Variants in GHR observed in about 807,000 individuals in gnomAD.
The protein encoded by GHR is growth hormone receptor, also known as GH receptor.
A neutral mutation model predicts 67.1 loss-of-function variants in GHR; 35 were observed. The ratio of observed to expected loss-of-function variants is 0.52; its 90% CI spans 0.40 to 0.69. The LOEUF (loss-of-function observed/expected upper bound fraction) is 0.69. GHR is among the 30% of genes least tolerant of loss of function. The probability of loss-of-function intolerance (pLI) is 0.00; values close to 1 mark genes in which losing one functional copy is unlikely to be tolerated. For missense variants in GHR, 792 were observed against 764.6 expected, an observed-to-expected ratio of 1.04 and a Z score of -0.42; for synonymous variants, 272 against 269.1, an observed-to-expected ratio of 1.01 and a Z score of -0.10.
intron 2 of GHR, among the ~76,000 whole-genome samples, chr5:42,608,328 A>G (rs1373717791): frequency 1.1e-4 from 17 of 151,950 alleles, no homozygotes; most frequent in Admixed American, 1.1e-3. Context: ...ATGGATTTAT[A>G]TTTTTTTTGT....
chr5:42,488,843 T>C (rs905313243), intron 1 of GHR, among the ~76,000 whole-genome samples: 2 of 152,204 alleles, frequency 1.3e-5, no homozygotes, highest in African/African-American at 4.8e-5. Context: ...AACATGTGCA[T>C]GGATTATTTT....
chr5:42,716,829 C>T (rs1346935569), intron 8 of GHR, among the ~76,000 whole-genome samples: 1 of 152,066 alleles, frequency 6.6e-6, no homozygotes, highest in Non-Finnish European at 1.5e-5. Flanking sequence ...AAAATGTACT[C>T]CTTATGGAAT....
At chr5:42,588,526 C>CAAAAAAAAAAAAAAAAAAAAAAAA (rs10716908) in intron 2 of GHR, among the ~76,000 whole-genome samples, 19 of 45,120 alleles carry the variant, frequency 4.2e-4, no homozygotes, top group African/African-American at 1.0e-3. Flanking sequence ...AACTCCATCT[C>CAAAAAAAAAAAAAAAAAAAAAAAA]AAAAAAAAAA....
intron 1 of GHR, chr5:42,548,225 G>A (rs1345963033): frequency 2.5e-5 from 25 of 984,948 alleles, no homozygotes; most frequent in Non-Finnish European, 3.0e-5. Context: ...ATATGTGTGT[G>A]TGTGCATGAG....
intron 3 of GHR, among the ~76,000 whole-genome samples, chr5:42,642,193 AC>A (rs1489427396): frequency 6.6e-6 from 1 of 152,190 alleles, no homozygotes; most frequent in Non-Finnish European, 1.5e-5. Flanking sequence ...TTCCCAAATT[AC>A]CAAAAGAAAT....
intron 1 of GHR, among the ~76,000 whole-genome samples, chr5:42,432,683 A>G (rs1280828321): frequency 2.0e-5 from 3 of 152,228 alleles, no homozygotes; most frequent in Non-Finnish European, 4.4e-5. Context: ...ATAGAAGAAG[A>G]TACCAGAATC....
chr5:42,446,598 T>C, intron 1 of GHR, among the ~76,000 whole-genome samples: 1 of 152,216 alleles, frequency 6.6e-6, no homozygotes, highest in Middle Eastern at 3.2e-3. Context: ...CACTATAAAG[T>C]ATAGAGAGGT....
intron 2 of GHR, among the ~76,000 whole-genome samples, chr5:42,576,045 ATAAT>A (rs773753590): frequency 0.23 from 24,761 of 109,684 alleles, 2,712 homozygotes; most frequent in African/African-American, 0.3. Context: ...GAAAATTAAA[ATAAT>A]AAAATAAAAT....
intron 3 of GHR, among the ~76,000 whole-genome samples, chr5:42,649,201 C>T (rs1048719320): frequency 3.3e-5 from 5 of 152,106 alleles, no homozygotes; most frequent in Admixed American, 3.3e-4. Flanking sequence ...TTTATAAGCT[C>T]GTATGAAAAT....
At position 42,643,282 on chromosome 5, in the gene GHR, C is replaced by G. The variant is rs183579312; in HGVS notation, c.136+14179C>G. Among the ~76,000 whole-genome samples the G allele has an allele frequency of 1.4e-3, 218 of 152,266 alleles. 2 individuals carry two copies. The highest frequency in any genetic ancestry group is 3.4e-3 in the Middle Eastern group (1 of 294). On this transcript the variant is annotated intron_variant, in intron 3 of 9. Coordinates refer to ENST00000230882, the MANE Select transcript of GHR (RefSeq NM_000163.5). ...TAAATAGGCTTCTTTATTGCAGAAC[C>G]TCTCAGAGGCTCTCATCTGTTTGTG...
At chr5:42,586,290 G>T (rs559980984) in intron 2 of GHR, among the ~76,000 whole-genome samples, 1 of 152,106 alleles carries the variant, frequency 6.6e-6, no homozygotes, top group African/African-American at 2.4e-5. Context: ...AAAATATTTA[G>T]AAGAAAAGAA....
intron 1 of GHR, among the ~76,000 whole-genome samples, chr5:42,476,071 A>G (rs1745299054): frequency 6.6e-6 from 1 of 151,152 alleles, no homozygotes; most frequent in Admixed American, 6.6e-5. Context: ...TGCCCGGCTA[A>G]TTTTTTGTAT....
chr5:42,435,967 T>C (rs1321333110), intron 1 of GHR, among the ~76,000 whole-genome samples: 1 of 152,216 alleles, frequency 6.6e-6, no homozygotes, highest in Non-Finnish European at 1.5e-5. Flanking sequence ...TTACTCAGCG[T>C]ACATATGTAG....
chr5:42,580,127 T>G (rs1278521545), intron 2 of GHR, among the ~76,000 whole-genome samples: 2 of 152,140 alleles, frequency 1.3e-5, no homozygotes, highest in Non-Finnish European at 2.9e-5. Context: ...GTGAACATAT[T>G]TATGTCTTAT....
rs529722648 is a variant in GHR at position 42,720,578 on chromosome 5, A to T, written c.*1154A>T. On this transcript the variant is annotated 3_prime_UTR_variant, in exon 10 of 10. Coordinates refer to ENST00000230882, the MANE Select transcript of GHR (RefSeq NM_000163.5). ...AAGTTGAAGCAAATCGAATGAAATT[A>T]ACTGGGTAATGAAACAAAGAGTTCA... is the stretch of plus-strand genomic sequence containing the variant. 2 of 152,374 alleles carry T rather than the reference A, an allele frequency of 1.3e-5. No homozygotes were observed. The highest frequency in any genetic ancestry group is 4.8e-5 in the African/African-American group (2 of 41,590). 9.4% of individuals were successfully genotyped at this position (152,374 alleles called of 1,614,324 possible).
At chr5:42,457,881 A>G (rs557437968) in intron 1 of GHR, among the ~76,000 whole-genome samples, 6 of 152,320 alleles carry the variant, frequency 3.9e-5, no homozygotes, top group African/African-American at 1.4e-4. Flanking sequence ...CAAACTACTT[A>G]CTAGCCACAT....
chr5:42,713,381 C>A (rs748301360), intron 7 of GHR, 48 bp from the exon 8 acceptor site: 1 of 842,430 alleles, frequency 1.2e-6, no homozygotes, highest in South Asian at 1.3e-5. Context: ...GTAAACTGTG[C>A]TTCAACTATT....
At chr5:42,565,350 A>T in intron 1 of GHR, 1 of 521,930 alleles carries the variant, frequency 1.9e-6, no homozygotes, top group Non-Finnish European at 2.5e-6. Context: ...AAACCTCTTT[A>T]GGATGGCTCA....
intron 2 of GHR, among the ~76,000 whole-genome samples, chr5:42,580,513 T>C (rs1261845181): frequency 1.3e-5 from 2 of 152,222 alleles, no homozygotes; most frequent in Non-Finnish European, 2.9e-5. Flanking sequence ...ATGAGTCTCC[T>C]AGGTTCTAAA....
Sources: allele counts gnomAD v4.1 joint callset (sites outside exome capture counted in the v4.1 genomes callset), GRCh38; gene constraint gnomAD v4.1.1; transcripts MANE v1.5; gene names NCBI Gene and HGNC (gene_info 2026-07-23, HGNC 2026-07-21).